CSMD1: variants seen among roughly 807,000 people sequenced by gnomAD.
CSMD1 encodes the protein CUB and Sushi multiple domains 1, also known as CUB and sushi domain-containing protein 1.
In CSMD1, 213 loss-of-function variants were observed where a neutral mutation model predicts 417.5. That is an observed-to-expected ratio of 0.51 (90% CI 0.46 to 0.57). The LOEUF is 0.57. Among genes scored for constraint, CSMD1 ranks in the 20% least tolerant of loss-of-function variants. The probability of loss-of-function intolerance (pLI) is 0.00; values close to 1 mark genes in which losing one functional copy is unlikely to be tolerated. For synonymous variants in CSMD1, 2,862 were observed against 1,736.8 expected (o/e 1.65, Z -16.11); for missense variants, 6,923 against 4,529.7 (o/e 1.53, Z -15.17).
chr8:4,374,888 G>A (rs941104004), intron 3 of CSMD1, among the ~76,000 whole-genome samples: 1 of 139,260 alleles, frequency 7.2e-6, no homozygotes, highest in Non-Finnish European at 1.5e-5. Context: ...TGAAGCTGAA[G>A]AAGAGCCAAT....
At chr8:3,989,405 G>A (rs1284607085) in intron 5 of CSMD1, among the ~76,000 whole-genome samples, 1 of 152,184 alleles carries the variant, frequency 6.6e-6, no homozygotes, top group Non-Finnish European at 1.5e-5. Context: ...AGAGGACATT[G>A]CCCAACACTC....
At chr8:3,554,469 C>T (rs1220417954) in intron 10 of CSMD1, among the ~76,000 whole-genome samples, 3 of 152,066 alleles carry the variant, frequency 2.0e-5, no homozygotes, top group African/African-American at 7.2e-5. Context: ...AGACACCCCA[C>T]ATTGAGGGGA....
chr8:3,769,826 A>G (rs1485186302), intron 5 of CSMD1, among the ~76,000 whole-genome samples: 2 of 152,246 alleles, frequency 1.3e-5, no homozygotes. Flanking sequence ...GTGTTGAATC[A>G]GCACTTTTAT....
chr8:3,113,850 T>C (rs1750343135), intron 42 of CSMD1, among the ~76,000 whole-genome samples: 1 of 152,180 alleles, frequency 6.6e-6, no homozygotes. Context: ...TGTGCTACCT[T>C]TTCCTCTCTT....
rs142396474 is a variant in CSMD1 at position 3,906,243 on chromosome 8, T to C, written c.818+91660A>G. Among the ~76,000 whole-genome samples the C allele has an allele frequency of 1.6e-3, 246 of 152,256 alleles. 1 individual carries two copies. The highest frequency in any genetic ancestry group is 5.6e-3 in the African/African-American group (233 of 41,530). On this transcript the variant is annotated intron_variant, in intron 5 of 69. Coordinates refer to ENST00000635120, the MANE Select transcript of CSMD1 (RefSeq NM_033225.6). ...TTGTGACCACAAAATGCCATAGCATTGCATTAAGTTACAATGTGTGCTGCT... is the reference window on the plus strand; with the variant it reads ...TTGTGACCACAAAATGCCATAGCATCGCATTAAGTTACAATGTGTGCTGCT...
chr8:4,749,877 A>G (rs1444652739), intron 1 of CSMD1, among the ~76,000 whole-genome samples: 3 of 152,132 alleles, frequency 2.0e-5, no homozygotes, highest in East Asian at 1.9e-4. Context: ...GAGAAATGCA[A>G]CTTCAAAATC....
chr8:4,583,543 G>C (rs1006919258), intron 2 of CSMD1, among the ~76,000 whole-genome samples: 1 of 151,930 alleles, frequency 6.6e-6, no homozygotes, highest in South Asian at 2.1e-4. Context: ...CTCAAGGTTT[G>C]TAAACACACC....
chr8:4,226,004 A>G (rs1238924886), intron 3 of CSMD1, among the ~76,000 whole-genome samples: 2 of 151,916 alleles, frequency 1.3e-5, no homozygotes, highest in Non-Finnish European at 2.9e-5. Flanking sequence ...GTTAAAATAA[A>G]TTTTCCCATG....
intron 3 of CSMD1, among the ~76,000 whole-genome samples, chr8:4,360,551 G>A (rs556894631): frequency 1.3e-5 from 2 of 152,224 alleles, no homozygotes; most frequent in South Asian, 4.1e-4. Flanking sequence ...GGGCAGTGGC[G>A]CGATCTCGGC....
chr8:2,991,757 A>G (rs2128948506), intron 54 of CSMD1, among the ~76,000 whole-genome samples: 1 of 152,354 alleles, frequency 6.6e-6, no homozygotes, highest in South Asian at 2.1e-4. Flanking sequence ...TTAAATACAT[A>G]AATAGCATTT....
chr8:3,525,820 C>A (rs765449071), intron 10 of CSMD1, among the ~76,000 whole-genome samples: 7 of 151,954 alleles, frequency 4.6e-5, no homozygotes, highest in Non-Finnish European at 8.8e-5. Context: ...AGTTGACACA[C>A]GGAAAAAATC....
intron 7 of CSMD1, among the ~76,000 whole-genome samples, chr8:3,664,746 G>C (rs1025843348): frequency 6.6e-6 from 1 of 152,148 alleles, no homozygotes; most frequent in Non-Finnish European, 1.5e-5. Flanking sequence ...AAGATGTCCA[G>C]GTTAACATTG....
chr8:3,710,368 A>G (rs1801438892), intron 6 of CSMD1, among the ~76,000 whole-genome samples: 1 of 152,160 alleles, frequency 6.6e-6, no homozygotes, highest in South Asian at 2.1e-4. Context: ...AACTCTGACG[A>G]AATACAATGC....
intron 5 of CSMD1, among the ~76,000 whole-genome samples, chr8:3,928,172 C>T (rs896708372): frequency 3.9e-5 from 6 of 151,978 alleles, no homozygotes; most frequent in Admixed American, 6.6e-5. Context: ...AATGAAGCAG[C>T]TCAGAAAAGA....
chr8:2,945,708 C>T (rs1009069621), intron 68 of CSMD1, among the ~76,000 whole-genome samples: 8 of 152,244 alleles, frequency 5.3e-5, no homozygotes, highest in Middle Eastern at 3.4e-3. Context: ...TTCTCTTCCC[C>T]CTCCTTGTTT....
intron 6 of CSMD1, among the ~76,000 whole-genome samples, chr8:3,739,826 T>G (rs372897732): frequency 7.8e-4 from 119 of 152,286 alleles, no homozygotes; most frequent in African/African-American, 2.8e-3. Flanking sequence ...TAACAAAGAA[T>G]GCAGACATTT....
chr8:3,901,725 T>C (rs1426088574), intron 5 of CSMD1, among the ~76,000 whole-genome samples: 4 of 152,264 alleles, frequency 2.6e-5, no homozygotes, highest in South Asian at 2.1e-4. Flanking sequence ...GGAACAACTG[T>C]CTTTATGTAG....
intron 5 of CSMD1, among the ~76,000 whole-genome samples, chr8:3,954,874 T>A (rs1273208876): frequency 6.6e-6 from 1 of 152,194 alleles, no homozygotes; most frequent in Non-Finnish European, 1.5e-5. Context: ...CTTTCTTCCT[T>A]ATTCTGGTGG....
intron 1 of CSMD1, among the ~76,000 whole-genome samples, chr8:4,764,767 G>A (rs924545030): frequency 4.7e-5 from 7 of 150,468 alleles, no homozygotes; most frequent in African/African-American, 1.5e-4. Flanking sequence ...CAGCTACTCT[G>A]GAGGCTGCGG....
Sources: gnomAD v4.1 joint callset for allele counts (sites outside exome capture counted in the v4.1 genomes callset) on GRCh38, gnomAD v4.1.1 for gene constraint, MANE v1.5 for transcripts, NCBI Gene and HGNC (gene_info 2026-07-23, HGNC 2026-07-21) for gene names.